Variants in STIL observed in about 807,000 individuals in gnomAD.
STIL encodes the protein SCL-interrupting locus protein.
STIL carries 55 observed loss-of-function variants against 110.1 expected under a neutral mutation model. The observed-to-expected ratio is 0.50, with a 90% CI of 0.40 to 0.63. STIL has a LOEUF of 0.63. STIL is among the 20% of genes least tolerant of loss of function. STIL has a pLI of 0.00. For synonymous variants in STIL, 481 were observed against 530.0 expected (o/e 0.91, Z 1.27); for missense variants, 1,358 against 1,530.0 (o/e 0.89, Z 1.87).
intron 2 of STIL, among the ~76,000 whole-genome samples, chr1:47,306,769 A>T (rs1645972350): frequency 6.6e-6 from 1 of 152,240 alleles, no homozygotes; most frequent in African/African-American, 2.4e-5. Flanking sequence ...GGCAGTGTAA[A>T]GCAAGGTTGT....
chr1:47,290,945 G>A (rs1645467992), intron 8 of STIL, among the ~76,000 whole-genome samples: 1 of 152,068 alleles, frequency 6.6e-6, no homozygotes, highest in African/African-American at 2.4e-5. Flanking sequence ...CCTTGAAGAT[G>A]TAACGTGTTG....
intron 1 of STIL, among the ~76,000 whole-genome samples, chr1:47,312,359 G>A (rs1384721741): frequency 5.9e-5 from 9 of 151,770 alleles, no homozygotes; most frequent in African/African-American, 1.7e-4. Flanking sequence ...GTGTGGTGGC[G>A]GGCACCTGTA....
intron 10 of STIL, among the ~76,000 whole-genome samples, chr1:47,285,551 G>C (rs1645272725): frequency 6.6e-6 from 1 of 152,070 alleles, no homozygotes; most frequent in South Asian, 2.1e-4. Flanking sequence ...TGTGCCTCTT[G>C]GGTTCAAGTG....
chr1:47,285,651 T>C (rs1395852370), intron 10 of STIL, among the ~76,000 whole-genome samples: 1 of 151,464 alleles, frequency 6.6e-6, no homozygotes, highest in Admixed American at 6.6e-5. Flanking sequence ...AAAGACGGGG[T>C]TTCACCACGT....
rs538115366 is a variant in STIL, at chr1:47,302,861, C to T, written c.153-515G>A. 5.9e-5 allele frequency among the ~76,000 whole-genome samples: 9 copies of T among 152,122 alleles called. No individual in the cohort carries two copies. The South Asian group carries it at 1.9e-3, about 32-fold the overall frequency. The stretch of plus-strand genomic sequence containing the variant: ...GATTAACAACAATAATTAATAGTAG[C>T]ATAATTTTAACAGTATACTGTAAAA... On this transcript the variant is annotated intron_variant, in intron 3 of 16. Coordinates refer to ENST00000371877, the MANE Select transcript of STIL (RefSeq NM_001048166.1).
rs772681250 is a variant in STIL, at chr1:47,272,168, T to C, written c.2291A>G (p.Gln764Arg). The C allele has an allele frequency of 1.9e-6, 3 of 1,614,194 alleles. No homozygotes were observed. The highest frequency in any genetic ancestry group is 1.7e-6 in the Non-Finnish European group (2 of 1,180,034). ...AACCAACTCCATTTGTCTTCCAGCT[T>C]GCACTGTGTCTTCAACAGCAGTTGT... ...PKTTAVEDTV[Q>R]AGRQMELVSV... The change falls in exon 13 of 17, where the codon CAA becomes CGA. Residue 764 changes from glutamine (Q) to arginine (R), a missense_variant. Coordinates refer to ENST00000371877, the MANE Select transcript of STIL (RefSeq NM_001048166.1).
intron 9 of STIL, among the ~76,000 whole-genome samples, chr1:47,288,616 T>A (rs1423733404): frequency 6.6e-6 from 1 of 152,078 alleles, no homozygotes; most frequent in Non-Finnish European, 1.5e-5. Flanking sequence ...ACTTTTTCTA[T>A]GATCATCATC....
In STIL at chr1:47,305,000, T is replaced by C. The variant is rs1428935994; in HGVS notation, c.45-4A>G. On this transcript the variant is annotated splice_region_variant and splice_polypyrimidine_tract_variant and intron_variant, in intron 2 of 16. Transcript: ENST00000371877. ...TACCATCCTGCTTGAAGGAAACCTT[T>C]TGAAAAAACAATGTAAAATTAAAGC... 1 of 1,610,738 alleles carries C rather than the reference T, an allele frequency of 6.2e-7. No individual in the cohort carries two copies. The highest frequency in any genetic ancestry group is 2.2e-5 in the East Asian group (1 of 44,834).
chr1:47,271,967 G>T, intron 13 of STIL, 109 bp downstream of exon 13: 1 of 1,153,860 alleles, frequency 8.7e-7, no homozygotes, highest in Non-Finnish European at 1.3e-6. Context: ...TCATCACCTT[G>T]GTTTTGGTCC....
Position 47,300,089 on chromosome 1 carries a change from C to T in STIL, c.517G>A (p.Val173Ile). The T allele has an allele frequency of 1.2e-6, 2 of 1,614,126 alleles. No individual in the cohort carries two copies. Among genetic ancestry groups the T allele is most frequent in the East Asian group, 2.2e-5 (1 of 44,878 alleles). The change falls in exon 6 of 17, where the codon GTT (valine) becomes ATT (isoleucine). Residue 173 changes from valine (V) to isoleucine (I), a missense_variant. Physicochemically the swap from Val to Ile is conservative, Grantham distance 29 (BLOSUM62 3). Coordinates refer to ENST00000371877, the MANE Select transcript of STIL (RefSeq NM_001048166.1). Reference sequence around the variant, plus strand: ...AAACTCTCCCTGGAAGTGATATGAACTCTTAGGGAAAGCAGCTTACCACAG... The same window carrying T: ...AAACTCTCCCTGGAAGTGATATGAATTCTTAGGGAAAGCAGCTTACCACAG... ...LDCGKLLSLRVHITSRESLDS... is the reference protein window; with the variant it reads ...LDCGKLLSLRIHITSRESLDS...
Position 47,302,284 on chromosome 1 carries a change from T to C in STIL, c.215A>G (p.Asn72Ser), listed in dbSNP as rs773511706. The C allele has an allele frequency of 5.0e-6, 8 of 1,614,034 alleles. No individual in the cohort carries two copies. The Admixed American group carries it at 1.3e-4, about 27-fold the overall frequency. ...TAAAAAGCATGACGAATTTTTTTTA[T>C]TCTGCTTAGCATGACGATAAGCAAG... ...IRLAYRHAKQNKKNSSCFLLG... is the reference protein window; with the variant it reads ...IRLAYRHAKQSKKNSSCFLLG... The change falls in exon 4 of 17, where the codon AAT (asparagine) becomes AGT (serine). Residue 72 changes from asparagine (N) to serine (S), a missense_variant. Asn to Ser is a conservative substitution (Grantham distance 46). Coordinates refer to ENST00000371877, the MANE Select transcript of STIL (RefSeq NM_001048166.1).
rs1392043831 is a variant in STIL at position 47,263,016 on chromosome 1, T to C, written c.2716A>G (p.Thr906Ala). ...TCAGAATTGTTACTGGCACCCCCTG[T>C]TGGTCCAGTCTGTAAACACATGCTT... is the stretch of plus-strand genomic sequence containing the variant. ...SVSMCLQTGP[T>A]GGASNNSETS... Residue 906 changes from threonine to alanine, a missense_variant, in exon 15 of 17, where the codon ACA (threonine) becomes GCA (alanine). Thr to Ala is a moderately conservative substitution (Grantham distance 58). Coordinates refer to ENST00000371877, the MANE Select transcript of STIL (RefSeq NM_001048166.1). 1.2e-5 allele frequency: 20 copies of C among 1,614,192 alleles called. No individual in the cohort carries two copies. The highest frequency in any genetic ancestry group is 1.7e-5 in the Non-Finnish European group (20 of 1,180,024).
At chr1:47,295,715 A>G (rs1279806036) in intron 7 of STIL, 50 bp downstream of exon 7, 7 of 1,234,544 alleles carry the variant, frequency 5.7e-6, no homozygotes, top group Non-Finnish European at 7.2e-6. Context: ...CTTATCATAT[A>G]CATTTGAACA....
intron 16 of STIL, among the ~76,000 whole-genome samples, chr1:47,258,270 A>C (rs1644379675): frequency 6.6e-6 from 1 of 152,222 alleles, no homozygotes. Context: ...AAACTGGTAC[A>C]ACTATTTGAT....
At chr1:47,275,698 C>T (rs1049680049) in intron 12 of STIL, among the ~76,000 whole-genome samples, 7 of 152,014 alleles carry the variant, frequency 4.6e-5, no homozygotes, top group African/African-American at 1.7e-4. Context: ...GGTCTTGGCT[C>T]ACTGCAGCCT....
intron 16 of STIL, among the ~76,000 whole-genome samples, chr1:47,256,438 T>G (rs772255912): frequency 6.6e-6 from 1 of 150,542 alleles, no homozygotes; most frequent in Admixed American, 6.6e-5. Flanking sequence ...CTGGCCAATA[T>G]AGTGAAACCC....
chr1:47,260,229 A>G, intron 16 of STIL, 60 bp downstream of exon 16: 12 of 1,478,250 alleles, frequency 8.1e-6, no homozygotes, highest in Non-Finnish European at 9.1e-6. Flanking sequence ...GGCAAAAATA[A>G]ATAAAAATTT....
intron 12 of STIL, among the ~76,000 whole-genome samples, chr1:47,276,158 C>T (rs951810590): frequency 2.6e-5 from 4 of 151,894 alleles, no homozygotes; most frequent in Admixed American, 1.3e-4. Context: ...CCCACTACCA[C>T]GCCCAGGTAA....
intron 13 of STIL, among the ~76,000 whole-genome samples, chr1:47,271,760 G>C (rs1267806713): frequency 6.6e-6 from 1 of 150,832 alleles, no homozygotes. Flanking sequence ...TGAGCTGAGA[G>C]TGCACCACAC....
Sources: gnomAD v4.1 joint callset for allele counts (sites outside exome capture counted in the v4.1 genomes callset) on GRCh38, gnomAD v4.1.1 for gene constraint, MANE v1.5 for transcripts, NCBI Gene and HGNC (gene_info 2026-07-23, HGNC 2026-07-21) for gene names.